Variants in WDR25 observed in about 807,000 individuals in gnomAD.
WDR25 encodes the protein WD repeat-containing protein 25.
Under a neutral mutation model 47.7 loss-of-function variants are expected in WDR25, and 35 were observed. That is an observed-to-expected ratio of 0.73 (90% CI 0.56 to 0.97). The LOEUF is 0.97. WDR25 is among the 50% of genes least tolerant of loss of function. The pLI is 0.00. For missense variants in WDR25, 634 were observed against 704.7 expected (o/e 0.90, Z 1.14); for synonymous variants, 248 against 278.9 (o/e 0.89, Z 1.10).
At chr14:100,489,860 C>G (rs1900505010) in intron 4 of WDR25, among the ~76,000 whole-genome samples, 1 of 152,232 alleles carries the variant, frequency 6.6e-6, no homozygotes, top group Admixed American at 6.5e-5. Context: ...TCTCTGCTCG[C>G]TCTGGGACTC....
rs554527887 is a variant in WDR25 at position 100,395,831 on chromosome 14, C to G, written c.822+14085C>G. ...GGAGGGGTCCAACTGCACTCCCCCACCCACCCCTCACCTCCAGTCTGTGCA... is the reference window on the plus strand; with the variant it reads ...GGAGGGGTCCAACTGCACTCCCCCAGCCACCCCTCACCTCCAGTCTGTGCA... On this transcript the variant is annotated intron_variant, in intron 2 of 6. Coordinates refer to ENST00000402312, the MANE Select transcript of WDR25 (RefSeq NM_001161476.3). Among the ~76,000 whole-genome samples the G allele has an allele frequency of 7.9e-4, 121 of 152,238 alleles. 1 individual carries two copies. The highest frequency in any genetic ancestry group is 2.0e-3 in the African/African-American group (81 of 41,534).
rs532222424 is a variant in WDR25, at chr14:100,428,269, G to T, written c.823-39752G>T. Among the ~76,000 whole-genome samples the T allele has an allele frequency of 4.6e-5, 7 of 152,318 alleles. No homozygotes were observed. Among genetic ancestry groups the T allele is most frequent in the Non-Finnish European group, 8.8e-5 (6 of 68,024 alleles). On this transcript the variant is annotated intron_variant, in intron 2 of 6. Coordinates refer to ENST00000402312, the MANE Select transcript of WDR25 (RefSeq NM_001161476.3). The surrounding 1 kb of genome is among the most constrained non-coding windows in gnomAD (Gnocchi z 4.3). The stretch of plus-strand genomic sequence containing the variant: ...TATCTTGGGTCCCCCTCTGCCTACA[G>T]GCAGTGAGTGTGGCCTGGGAGGCAG...
intron 3 of WDR25, among the ~76,000 whole-genome samples, chr14:100,472,066 G>A (rs988576521): frequency 4.6e-5 from 7 of 152,198 alleles, no homozygotes; most frequent in African/African-American, 1.4e-4. Context: ...AGTTCTAAGC[G>A]GTCCTGTCAT....
chr14:100,477,137 A>G (rs1348342905), intron 3 of WDR25, among the ~76,000 whole-genome samples: 1 of 152,210 alleles, frequency 6.6e-6, no homozygotes, highest in Non-Finnish European at 1.5e-5. Context: ...TCCACCTGAG[A>G]AAGGAAGAGG....
chr14:100,519,806 GTATA>G (rs1327919776), intron 4 of WDR25, among the ~76,000 whole-genome samples: 1 of 134,714 alleles, frequency 7.4e-6, no homozygotes, highest in African/African-American at 2.8e-5. Flanking sequence ...ATGTATATAT[GTATA>G]TATGTATACT....
intron 2 of WDR25, among the ~76,000 whole-genome samples, chr14:100,453,482 G>T (rs1435773833): frequency 6.6e-6 from 1 of 152,234 alleles, no homozygotes; most frequent in Non-Finnish European, 1.5e-5. Flanking sequence ...ATTGTAAAGT[G>T]CTGAAAAGCA....
At chr14:100,526,335 A>G (rs1474230158) in intron 5 of WDR25, among the ~76,000 whole-genome samples, 1 of 152,086 alleles carries the variant, frequency 6.6e-6, no homozygotes, top group Non-Finnish European at 1.5e-5. Flanking sequence ...CAACCTGAGA[A>G]ACCCCACCCT....
At chr14:100,482,971 G>T (rs1413598789) in intron 3 of WDR25, among the ~76,000 whole-genome samples, 2 of 152,196 alleles carry the variant, frequency 1.3e-5, no homozygotes, top group African/African-American at 4.8e-5. Flanking sequence ...TGGCTGGGTG[G>T]CGTGGGGCAG....
At chr14:100,493,807 A>T (rs960984148) in intron 4 of WDR25, among the ~76,000 whole-genome samples, 2 of 152,214 alleles carry the variant, frequency 1.3e-5, no homozygotes, top group African/African-American at 4.8e-5. Context: ...AGGCGGAGTC[A>T]TTGGGTGGTA....
rs1051934053 is a variant in WDR25, at chr14:100,404,186, C to T, written c.822+22440C>T. On this transcript the variant is annotated intron_variant, in intron 2 of 6. Coordinates refer to ENST00000402312, the MANE Select transcript of WDR25 (RefSeq NM_001161476.3). This position sits in a 1 kb window ranked among gnomAD's most constrained non-coding sequence, Gnocchi z 4.6. ...GGTCCCCCTGAAACCTCTGAGGTGC[C>T]GATGGCATGCCCCAACCTGCGTCCA... Among the ~76,000 whole-genome samples the T allele has an allele frequency of 6.6e-6, 1 of 152,206 alleles. No individual in the cohort carries two copies. Among genetic ancestry groups the T allele is most frequent in the Non-Finnish European group, 1.5e-5 (1 of 68,034 alleles).
intron 2 of WDR25, among the ~76,000 whole-genome samples, chr14:100,418,736 G>T (rs1318611955): frequency 1.3e-5 from 2 of 151,916 alleles, no homozygotes; most frequent in African/African-American, 4.8e-5. Context: ...GAGTTTATGG[G>T]ACATCCCTGG....
chr14:100,426,212 A>G lies in WDR25; in HGVS notation c.823-41809A>G, dbSNP rs73343602. On this transcript the variant is annotated intron_variant, in intron 2 of 6. Transcript: ENST00000402312. ...TTGAAAAGTCAGTGTAGAGAAGATA[A>G]TGGGCTCTGTATTGGGTTATGTCTG... 4.8e-3 allele frequency among the ~76,000 whole-genome samples: 731 copies of G among 152,310 alleles called. 10 individuals carry two copies. Among genetic ancestry groups the G allele is most frequent in the African/African-American group, 0.017 (686 of 41,562 alleles).
chr14:100,528,851 A>T (rs1345818509), intron 5 of WDR25, among the ~76,000 whole-genome samples: 1 of 152,236 alleles, frequency 6.6e-6, no homozygotes, highest in Non-Finnish European at 1.5e-5. Context: ...TCTTGACTTC[A>T]GCCCAGCGAG....
chr14:100,393,527 G>T (rs1202577456), intron 2 of WDR25, among the ~76,000 whole-genome samples: 1 of 152,208 alleles, frequency 6.6e-6, no homozygotes, highest in Non-Finnish European at 1.5e-5. Flanking sequence ...GTGCTGGCAG[G>T]GCTGCTGTGG....
Position 100,404,336 on chromosome 14 carries a change from T to G in WDR25, c.822+22590T>G, listed in dbSNP as rs146782171. Reference sequence around the variant, plus strand: ...ACTCTCCCACGCCAGCCCGTAAGTGTAAAGCAGATGTTTGGAACCTGGGTT... The same window carrying G: ...ACTCTCCCACGCCAGCCCGTAAGTGGAAAGCAGATGTTTGGAACCTGGGTT... On this transcript the variant is annotated intron_variant, in intron 2 of 6. Coordinates refer to ENST00000402312, the MANE Select transcript of WDR25 (RefSeq NM_001161476.3). This position sits in a 1 kb window ranked among gnomAD's most constrained non-coding sequence, Gnocchi z 4.6. Among the ~76,000 whole-genome samples, 45 of 152,348 alleles carry G rather than the reference T, an allele frequency of 3.0e-4. 1 individual carries two copies. In the East Asian group the frequency reaches 7.7e-3, roughly 26 times the overall value.
intron 2 of WDR25, among the ~76,000 whole-genome samples, chr14:100,416,974 A>C (rs1172522582): frequency 6.6e-6 from 1 of 152,244 alleles, no homozygotes; most frequent in Non-Finnish European, 1.5e-5. Flanking sequence ...GGCCCATCTT[A>C]GCCCAGGGGT....
intron 2 of WDR25, among the ~76,000 whole-genome samples, chr14:100,400,793 GC>G (rs1425801896): frequency 1.3e-5 from 2 of 152,182 alleles, no homozygotes; most frequent in African/African-American, 4.8e-5. Flanking sequence ...AAGGGAGGAA[GC>G]TTTGGTGTGT....
At position 100,530,035 on chromosome 14, in the gene WDR25, G is replaced by A. The variant is rs775962527; in HGVS notation, c.1629G>A (p.Trp543Ter). 3.7e-5 allele frequency: 60 copies of A among 1,610,022 alleles called. No homozygotes were observed. Among genetic ancestry groups the A allele is most frequent in the Admixed American group, 6.7e-5 (4 of 59,882 alleles). ...TCSWGGDMKI[W>*]H ...CCTGGGGAGGGGACATGAAGATCTG[G>A]CACTGAGCTTTTTGTCACTGAACCT... The change falls in exon 7 of 7, where the codon TGG becomes TGA. Residue 543 changes from tryptophan (W) to a stop codon, truncating the protein, a stop_gained. Transcript: ENST00000402312. LOFTEE classifies it high-confidence loss of function.
chr14:100,419,611 A>G (rs1449690704), intron 2 of WDR25, among the ~76,000 whole-genome samples: 1 of 152,224 alleles, frequency 6.6e-6, no homozygotes, highest in Non-Finnish European at 1.5e-5. Flanking sequence ...TTTCATTTAG[A>G]AAGCCGAGGT....
Sources: allele counts gnomAD v4.1 joint callset (sites outside exome capture counted in the v4.1 genomes callset), GRCh38; gene constraint gnomAD v4.1.1; non-coding constraint Gnocchi (gnomAD v3.1); transcripts MANE v1.5; gene names NCBI Gene and HGNC (gene_info 2026-07-23, HGNC 2026-07-21).